The following ITGB5 variants were observed in gnomAD, a reference collection of about 807,000 sequenced individuals.
ITGB5 encodes integrin subunit beta 5.
In ITGB5, 38 loss-of-function variants were observed where a neutral mutation model predicts 84.8. That is an observed-to-expected ratio of 0.45 (90% CI 0.35 to 0.59). The LOEUF (loss-of-function observed/expected upper bound fraction) is 0.59. Ranked by LOEUF, ITGB5 falls within the 20% of genes least tolerant of loss-of-function variation. The pLI is 0.01. For synonymous variants in ITGB5, 393 were observed against 414.4 expected (o/e 0.95, Z 0.63); for missense variants, 905 against 1,034.5 (o/e 0.87, Z 1.72).
At chr3:124,842,550 C>CG (rs553810771) in intron 4 of ITGB5, among the ~76,000 whole-genome samples, 129 of 152,224 alleles carry the variant, frequency 8.5e-4, no homozygotes, top group African/African-American at 3.0e-3. Context: ...AGAGGGAGGT[C>CG]GGGGGGCTGT....
intron 10 of ITGB5, chr3:124,792,746 G>A (rs890105590): frequency 2.0e-5 from 3 of 152,162 alleles, no homozygotes; most frequent in African/African-American, 4.8e-5. Context: ...AGCATTTCCC[G>A]ATCCCGCAGG....
chr3:124,802,217 G>A (rs1365195388), intron 9 of ITGB5, among the ~76,000 whole-genome samples: 1 of 152,188 alleles, frequency 6.6e-6, no homozygotes, highest in African/African-American at 2.4e-5. Context: ...ACGGGATTTG[G>A]TACATAAACA....
At chr3:124,855,882 T>C (rs2065216243) in intron 3 of ITGB5, among the ~76,000 whole-genome samples, 1 of 152,204 alleles carries the variant, frequency 6.6e-6, no homozygotes, top group African/African-American at 2.4e-5. Context: ...CTTCCTTAAC[T>C]GAGCATATAT....
chr3:124,771,663 A>T (rs1012314972), intron 11 of ITGB5, among the ~76,000 whole-genome samples: 1 of 149,512 alleles, frequency 6.7e-6, no homozygotes, highest in Non-Finnish European at 1.5e-5. Flanking sequence ...CAGGAGGATC[A>T]CTTGAGCCCA....
At chr3:124,799,831 T>G (rs2064289382) in intron 9 of ITGB5, among the ~76,000 whole-genome samples, 1 of 152,102 alleles carries the variant, frequency 6.6e-6, no homozygotes, top group African/African-American at 2.4e-5. Flanking sequence ...GTCTACCTCA[T>G]CGGGGTGCGC....
At chr3:124,873,833 C>T (rs7638367) in intron 1 of ITGB5, among the ~76,000 whole-genome samples, 3,041 of 151,662 alleles carry the variant, frequency 0.02, 100 homozygotes, top group African/African-American at 0.065. Flanking sequence ...AAACAAGGCC[C>T]CTTTACACTT....
chr3:124,835,457 G>T (rs554880533), intron 5 of ITGB5, among the ~76,000 whole-genome samples: 2 of 152,248 alleles, frequency 1.3e-5, no homozygotes, highest in Admixed American at 1.3e-4. Flanking sequence ...ACCTGCATGC[G>T]CAATGCCCAG....
chr3:124,818,458 T>C (rs1283535835), intron 7 of ITGB5, among the ~76,000 whole-genome samples: 1 of 150,210 alleles, frequency 6.7e-6, no homozygotes, highest in Non-Finnish European at 1.5e-5. Flanking sequence ...GTCTGTGCAA[T>C]TGAGCCCTCT....
intron 5 of ITGB5, among the ~76,000 whole-genome samples, chr3:124,827,958 C>A (rs1410900621): frequency 1.3e-5 from 2 of 151,506 alleles, no homozygotes; most frequent in Non-Finnish European, 2.9e-5. Context: ...CACTACCTAC[C>A]CAAATCTTAT....
rs60292129 is a variant in ITGB5 at position 124,798,055 on chromosome 3, CT to C, written c.1264-1239del. On this transcript the variant is annotated intron_variant, in intron 9 of 14. Coordinates refer to ENST00000296181, the MANE Select transcript of ITGB5 (RefSeq NM_002213.5). ...TTCTATTCTTTCGGCTAGAATAAAG[CT>C]TTTTTTTTTTTTTTTGAGGTGGAGT... is the stretch of plus-strand genomic sequence containing the variant. Among the ~76,000 whole-genome samples the C allele has an allele frequency of 4.3e-3, 442 of 103,530 alleles. 7 individuals are homozygous for C. The highest frequency in any genetic ancestry group is 0.01 in the Middle Eastern group (2 of 194). The allele number at this position is 103,530 out of a possible 152,430, so 67.9% of individuals were successfully genotyped here.
chr3:124,893,181 G>A (rs1002909876), intron 1 of ITGB5, among the ~76,000 whole-genome samples: 3 of 152,158 alleles, frequency 2.0e-5, no homozygotes, highest in Non-Finnish European at 4.4e-5. Flanking sequence ...GCCAAGGCAG[G>A]AAGATCACCA....
chr3:124,858,133 C>CAA (rs63273260), intron 3 of ITGB5, among the ~76,000 whole-genome samples: 1,069 of 83,798 alleles, frequency 0.013, 17 homozygotes, highest in African/African-American at 0.047. Context: ...TACCCCATCT[C>CAA]AAAAAAAAAA....
At chr3:124,845,421 CCA>C (rs2107599520) in intron 4 of ITGB5, among the ~76,000 whole-genome samples, 1 of 152,366 alleles carries the variant, frequency 6.6e-6, no homozygotes, top group South Asian at 2.1e-4. Context: ...GCTCACCAAG[CCA>C]CAGTGTGCCC....
chr3:124,806,526 C>T (rs1200735129), intron 9 of ITGB5, among the ~76,000 whole-genome samples: 4 of 150,384 alleles, frequency 2.7e-5, no homozygotes, highest in South Asian at 4.2e-4. Flanking sequence ...CTCCGCCTCC[C>T]GGGTTCATGC....
At chr3:124,809,181 C>T (rs2064458415) in intron 8 of ITGB5, 25 bp from the exon 9 acceptor site, 3 of 1,613,078 alleles carry the variant, frequency 1.9e-6, no homozygotes, top group Non-Finnish European at 2.5e-6. Context: ...AAAATGAAGC[C>T]CAACCATTTA....
intron 8 of ITGB5, among the ~76,000 whole-genome samples, chr3:124,813,350 T>C (rs1253317925): frequency 6.6e-6 from 1 of 152,202 alleles, no homozygotes; most frequent in Non-Finnish European, 1.5e-5. Flanking sequence ...AATTCTCTAC[T>C]GGACACTGGT....
intron 1 of ITGB5, among the ~76,000 whole-genome samples, chr3:124,895,060 G>A (rs1266413965): frequency 6.6e-6 from 1 of 152,166 alleles, no homozygotes; most frequent in Non-Finnish European, 1.5e-5. Flanking sequence ...CTACACAGAT[G>A]TGGCTTGGGG....
At chr3:124,826,226 T>C (rs950785994) in intron 5 of ITGB5, among the ~76,000 whole-genome samples, 4 of 152,212 alleles carry the variant, frequency 2.6e-5, no homozygotes, top group Non-Finnish European at 1.5e-5. Flanking sequence ...TCTGCAAAAC[T>C]GGGCTCTGAA....
chr3:124,869,273 A>G (rs190722117), intron 2 of ITGB5, among the ~76,000 whole-genome samples: 3 of 152,286 alleles, frequency 2.0e-5, no homozygotes, highest in East Asian at 1.9e-4. Flanking sequence ...TAAGGGGTAC[A>G]GGTTGATCAA....
Sources: allele counts gnomAD v4.1 joint callset (sites outside exome capture counted in the v4.1 genomes callset), GRCh38; gene constraint gnomAD v4.1.1; transcripts MANE v1.5; gene names NCBI Gene and HGNC (gene_info 2026-07-23, HGNC 2026-07-21).